Variants in RAC1 observed in about 807,000 individuals in gnomAD.
RAC1 encodes the protein Rac family small GTPase 1.
RAC1 carries 2 observed loss-of-function variants against 25.2 expected under a neutral mutation model. The ratio of observed to expected loss-of-function variants is 0.08; its 90% CI spans 0.03 to 0.25. RAC1 has a LOEUF of 0.25. Ranked by LOEUF, RAC1 falls within the 10% of genes least tolerant of loss-of-function variation. The pLI, the probability that RAC1 is intolerant of heterozygous loss-of-function variation, is 1.00. For synonymous variants in RAC1, 88 were observed against 94.0 expected (o/e 0.94, Z 0.37); for missense variants, 50 against 235.7 (o/e 0.21, Z 5.16).
chr7:6,395,126 T>C (rs773054062), intron 3 of RAC1, among the ~76,000 whole-genome samples: 8 of 152,174 alleles, frequency 5.3e-5, no homozygotes, highest in Non-Finnish European at 8.8e-5. Context: ...AGTGCTGGGA[T>C]TACAAATTTT....
intron 1 of RAC1, among the ~76,000 whole-genome samples, chr7:6,383,782 ATCTTTTT>A (rs1782839335): frequency 2.0e-5 from 1 of 50,288 alleles, no homozygotes; most frequent in African/African-American, 7.1e-5. Context: ...CACAACCTTT[ATCTTTTT>A]TTTTTTTTTT....
At position 6,402,042 on chromosome 7, in the gene RAC1, G is replaced by T. The variant is rs767663372; in HGVS notation, c.448+15G>T. On this transcript the variant is annotated intron_variant, in intron 5 of 5. Coordinates refer to ENST00000348035, the MANE Select transcript of RAC1 (RefSeq NM_006908.5). Reference sequence around the variant, plus strand: ...TAAGGAGATTGGTATGGAATCCTGTGTTTTTCCTCCTCCTTGTACCTCTTT... The same window carrying T: ...TAAGGAGATTGGTATGGAATCCTGTTTTTTTCCTCCTCCTTGTACCTCTTT... 1 of 1,610,616 alleles carries T rather than the reference G, an allele frequency of 6.2e-7. No individual in the cohort carries two copies. Among genetic ancestry groups the T allele is most frequent in the South Asian group, 1.1e-5 (1 of 90,676 alleles).
At chr7:6,379,646 G>A (rs1236073873) in intron 1 of RAC1, among the ~76,000 whole-genome samples, 5 of 152,328 alleles carry the variant, frequency 3.3e-5, no homozygotes, top group South Asian at 4.1e-4. Context: ...CTGACCTTAG[G>A]CGATCTGCCC....
Position 6,374,592 on chromosome 7 carries a change from C to G in RAC1, c.-144C>G. 2.9e-6 allele frequency: 1 copy of G among 345,746 alleles called. No homozygotes were observed. Among genetic ancestry groups the G allele is most frequent in the Non-Finnish European group, 4.2e-6 (1 of 235,798 alleles). The allele number at this position is 345,746 out of a possible 1,614,324, so 21.4% of individuals were successfully genotyped here. On this transcript the variant is annotated 5_prime_UTR_variant, in exon 1 of 6. Coordinates refer to ENST00000348035, the MANE Select transcript of RAC1 (RefSeq NM_006908.5). The stretch of plus-strand genomic sequence containing the variant: ...CTGCCGGGCATCGGCTTCCAGTCCG[C>G]GGAGGGCGAGGCGGCGTGGACAGCG...
rs749974320 is a variant in RAC1 at position 6,403,664 on chromosome 7, C to T, written c.*1218C>T. 88 of 207,402 alleles carry T rather than the reference C, an allele frequency of 4.2e-4. No individual in the cohort carries two copies. The highest frequency in any genetic ancestry group is 1.5e-3 in the African/African-American group (67 of 43,972). 12.8% of individuals were successfully genotyped at this position (207,402 alleles called of 1,614,324 possible). ...TAACATCACTGTCTTGCCAGATTAC[C>T]GACACTGTCACTTGACCAATACTGA... On this transcript the variant is annotated 3_prime_UTR_variant, in exon 6 of 6. Transcript: ENST00000348035.
intron 3 of RAC1, among the ~76,000 whole-genome samples, chr7:6,393,130 GC>G: frequency 6.6e-6 from 1 of 152,154 alleles, no homozygotes; most frequent in Non-Finnish European, 1.5e-5. Flanking sequence ...CTAGAGAAAG[GC>G]TGGCTTTGAG....
chr7:6,398,420 C>T (rs1171674016), intron 3 of RAC1, among the ~76,000 whole-genome samples: 1 of 152,184 alleles, frequency 6.6e-6, no homozygotes, highest in East Asian at 1.9e-4. Flanking sequence ...TTGTTGCCCC[C>T]CCTCAGGATC....
chr7:6,386,726 G>C (rs1782932974), intron 1 of RAC1, among the ~76,000 whole-genome samples: 1 of 149,896 alleles, frequency 6.7e-6, no homozygotes, highest in Non-Finnish European at 1.5e-5. Flanking sequence ...AGAGGTTGCA[G>C]TGAGCCAAGA....
chr7:6,395,801 A>G (rs1783222039), intron 3 of RAC1, among the ~76,000 whole-genome samples: 2 of 152,216 alleles, frequency 1.3e-5, no homozygotes, highest in South Asian at 2.1e-4. Context: ...GCCTGGCCAG[A>G]ATGTCTGTGT....
chr7:6,384,702 C>T (rs1782873562), intron 1 of RAC1, among the ~76,000 whole-genome samples: 1 of 152,168 alleles, frequency 6.6e-6, no homozygotes, highest in African/African-American at 2.4e-5. Flanking sequence ...AACTCCTGGG[C>T]TCAGCGATCC....
rs140559382 is a variant in RAC1 at position 6,392,041 on chromosome 7, A to G, written c.225A>G (p.Thr75=). Reference sequence around the variant, plus strand: ...TACGCCCCCTATCCTATCCGCAAACAGTAAGGATTGCAGCTGACTTTTAAT... The same window carrying G: ...TACGCCCCCTATCCTATCCGCAAACGGTAAGGATTGCAGCTGACTTTTAAT... The part of the protein sequence containing the change: ...DRLRPLSYPQ[T]DVFLICFSLV... Residue 75 remains threonine, a splice_region_variant and synonymous_variant, in exon 3 of 6, where the codon ACA becomes ACG. Coordinates refer to ENST00000348035, the MANE Select transcript of RAC1 (RefSeq NM_006908.5). The G allele has an allele frequency of 9.0e-5, 145 of 1,614,202 alleles. 1 individual carries two copies. In the African/African-American group the frequency reaches 1.5e-3, roughly 17 times the overall value.
At chr7:6,379,737 T>C (rs917129190) in intron 1 of RAC1, among the ~76,000 whole-genome samples, 1 of 152,144 alleles carries the variant, frequency 6.6e-6, no homozygotes, top group Non-Finnish European at 1.5e-5. Flanking sequence ...ATTTTATTTT[T>C]TATTTTTTTA....
intron 3 of RAC1, among the ~76,000 whole-genome samples, chr7:6,393,926 A>G (rs1252924562): frequency 6.6e-6 from 1 of 152,310 alleles, no homozygotes; most frequent in East Asian, 1.9e-4. Flanking sequence ...AGTGTCTGGA[A>G]GGTCTCATCC....
intron 1 of RAC1, among the ~76,000 whole-genome samples, chr7:6,379,277 T>TC (rs1782695958): frequency 6.7e-6 from 1 of 149,052 alleles, no homozygotes; most frequent in African/African-American, 2.5e-5. Flanking sequence ...AATTTTTTTT[T>TC]TTTTTTTTTT....
rs367763191 is a variant in RAC1, at chr7:6,402,302, C to T, written c.449-14C>T. The T allele has an allele frequency of 1.3e-5, 20 of 1,597,240 alleles. No homozygotes were observed. The highest frequency in any genetic ancestry group is 1.2e-4 in the African/African-American group (9 of 74,356). ...GGTCGAGTGTACATTGCCGTGTGGT[C>T]GTGTTTCCTGTAGGTGCTGTAAAAT... On this transcript the variant is annotated splice_polypyrimidine_tract_variant and intron_variant, in intron 5 of 5. Transcript: ENST00000348035.
At chr7:6,401,155 C>A (rs1299573769) in intron 4 of RAC1, among the ~76,000 whole-genome samples, 9 of 152,132 alleles carry the variant, frequency 5.9e-5, no homozygotes, top group Admixed American at 5.9e-4. Context: ...GGGGTTTCAC[C>A]ATGTTTGCCA....
chr7:6,377,900 CTTT>C (rs1782652234), intron 1 of RAC1, among the ~76,000 whole-genome samples: 1 of 151,972 alleles, frequency 6.6e-6, no homozygotes, highest in Non-Finnish European at 1.5e-5. Context: ...GGGAAACTGT[CTTT>C]TTTTGTTTGT....
chr7:6,395,747 G>C (rs1783219621), intron 3 of RAC1, among the ~76,000 whole-genome samples: 2 of 151,974 alleles, frequency 1.3e-5, no homozygotes, highest in African/African-American at 4.8e-5. Context: ...TCATACGTCA[G>C]GGCTGCCTGA....
intron 4 of RAC1, among the ~76,000 whole-genome samples, 197 bp downstream of exon 4, chr7:6,400,385 A>T (rs1365314089): frequency 6.6e-6 from 1 of 150,886 alleles, no homozygotes; most frequent in Admixed American, 6.6e-5. Context: ...CTGGAGTTGT[A>T]GTGGTGACAT....
Sources: gnomAD v4.1 joint callset for allele counts (sites outside exome capture counted in the v4.1 genomes callset) on GRCh38, gnomAD v4.1.1 for gene constraint, MANE v1.5 for transcripts, NCBI Gene and HGNC (gene_info 2026-07-23, HGNC 2026-07-21) for gene names.